The following BRAF variants were observed in gnomAD, a reference collection of about 807,000 sequenced individuals.
The protein encoded by BRAF is serine/threonine-protein kinase B-raf.
Under a neutral mutation model 104.6 loss-of-function variants are expected in BRAF, and 16 were observed. The ratio of observed to expected loss-of-function variants is 0.15; its 90% CI spans 0.10 to 0.23. The LOEUF is 0.23. Ranked by LOEUF, BRAF falls within the 10% of genes least tolerant of loss-of-function variation. The pLI is 1.00. For synonymous variants in BRAF, 310 were observed against 341.6 expected (o/e 0.91, Z 1.02); for missense variants, 541 against 937.3 (o/e 0.58, Z 5.52).
At chr7:140,719,221 T>A, downstream of BRAF, 1 of 399,292 alleles carries the variant, frequency 2.5e-6, no homozygotes, top group Non-Finnish European at 3.4e-6. Flanking sequence ...ACATTATGTA[T>A]GAAACAAAAT....
chr7:140,824,102 A>T (rs1259645952), intron 3 of BRAF: 1 of 151,950 alleles, frequency 6.6e-6, no homozygotes, highest in African/African-American at 2.4e-5. Context: ...TTGGCTTTTC[A>T]CTCTGTTGAT....
At chr7:140,878,730 C>T (rs1280225473) in intron 1 of BRAF, among the ~76,000 whole-genome samples, 2 of 152,248 alleles carry the variant, frequency 1.3e-5, no homozygotes, top group East Asian at 3.9e-4. Context: ...TTCAAAATAG[C>T]TAGAAGAGAA....
In BRAF at chr7:140,723,875, AGTCT is replaced by A. The variant is rs1795447496; in HGVS notation, c.*2615_*2618del. On this transcript the variant is annotated 3_prime_UTR_variant, in exon 20 of 20. Transcript: ENST00000644969. ...TCCTCGTTTTTTTAGGAGCTCAGTAAGTCTAACTGTTGTCTAAGCATCAAAAAAT... is the reference window on the plus strand; with the variant it reads ...TCCTCGTTTTTTTAGGAGCTCAGTAAAACTGTTGTCTAAGCATCAAAAAAT... 9.6e-7 allele frequency: 1 copy of A among 1,046,860 alleles called. No homozygotes were observed. Among genetic ancestry groups the A allele is most frequent in the Non-Finnish European group, 1.2e-6 (1 of 867,786 alleles). The allele number at this position is 1,046,860 out of a possible 1,614,324, so 64.8% of individuals were successfully genotyped here.
chr7:140,898,387 AAAG>A (rs750628012), intron 1 of BRAF, among the ~76,000 whole-genome samples: 6 of 152,204 alleles, frequency 3.9e-5, no homozygotes, highest in East Asian at 1.9e-4. Flanking sequence ...TATGATGGAT[AAAG>A]AAGACTATCC....
chr7:140,718,410 C>T (rs551807128), downstream of BRAF, among the ~76,000 whole-genome samples: 1 of 152,348 alleles, frequency 6.6e-6, no homozygotes, highest in South Asian at 2.1e-4. Flanking sequence ...GCCACCACAG[C>T]CGGATAATTT....
chr7:140,888,411 A>T (rs1489446242), intron 1 of BRAF, among the ~76,000 whole-genome samples: 1 of 129,592 alleles, frequency 7.7e-6, no homozygotes, highest in Non-Finnish European at 1.5e-5. Flanking sequence ...AAGTGACTTA[A>T]AATTAATTCC....
At chr7:140,751,126 C>G (rs1382957109) in intron 16 of BRAF, among the ~76,000 whole-genome samples, 4 of 152,078 alleles carry the variant, frequency 2.6e-5, no homozygotes, top group African/African-American at 9.7e-5. Context: ...CGTCTTAAAA[C>G]TCAGCATGAA....
chr7:140,774,458 T>G (rs183304849), intron 14 of BRAF, among the ~76,000 whole-genome samples: 1 of 152,350 alleles, frequency 6.6e-6, no homozygotes, highest in Admixed American at 6.5e-5. Flanking sequence ...TGTTACTTCT[T>G]GTCTTAATCC....
chr7:140,766,446 AAAAAC>A (rs1799331300), intron 14 of BRAF, among the ~76,000 whole-genome samples: 1 of 152,224 alleles, frequency 6.6e-6, no homozygotes, highest in Admixed American at 6.5e-5. Flanking sequence ...TAATAATAAA[AAAAAC>A]AAAACAACAA....
chr7:140,913,187 T>C (rs890643604), intron 1 of BRAF, among the ~76,000 whole-genome samples: 1 of 152,258 alleles, frequency 6.6e-6, no homozygotes, highest in African/African-American at 2.4e-5. Flanking sequence ...ACAGCACTTA[T>C]TACCTTTGAA....
At chr7:140,913,257 C>T (rs1042701315) in intron 1 of BRAF, among the ~76,000 whole-genome samples, 4 of 151,938 alleles carry the variant, frequency 2.6e-5, no homozygotes, top group African/African-American at 9.7e-5. Context: ...CCCCAATACA[C>T]ACACACCCCT....
chr7:140,765,988 GAC>G (rs1176678059), intron 14 of BRAF, among the ~76,000 whole-genome samples: 1 of 148,294 alleles, frequency 6.7e-6, no homozygotes, highest in Admixed American at 6.6e-5. Context: ...CTGCTATAAA[GAC>G]ACATGCACAC....
chr7:140,826,976 C>T (rs1806123337), intron 3 of BRAF, among the ~76,000 whole-genome samples: 1 of 152,134 alleles, frequency 6.6e-6, no homozygotes, highest in South Asian at 2.1e-4. Context: ...TTTTTATTGT[C>T]CAAGACATTA....
At chr7:140,759,480 G>C (rs569809356) in intron 14 of BRAF, among the ~76,000 whole-genome samples, 1 of 152,280 alleles carries the variant, frequency 6.6e-6, no homozygotes, top group East Asian at 1.9e-4. Context: ...TCTGCCTCCC[G>C]GGTTCAAGTG....
At chr7:140,758,573 G>A (rs1275147780) in intron 14 of BRAF, among the ~76,000 whole-genome samples, 1 of 151,980 alleles carries the variant, frequency 6.6e-6, no homozygotes, top group African/African-American at 2.4e-5. Flanking sequence ...ACCCAACTCA[G>A]CATCTTGTGT....
chr7:140,911,791 A>C (rs1172234331), intron 1 of BRAF, among the ~76,000 whole-genome samples: 2 of 152,258 alleles, frequency 1.3e-5, no homozygotes, highest in East Asian at 1.9e-4. Flanking sequence ...AGACCACTCC[A>C]AATTTAGCCT....
chr7:140,896,119 T>G (rs948103127), intron 1 of BRAF, among the ~76,000 whole-genome samples: 2 of 152,174 alleles, frequency 1.3e-5, no homozygotes, highest in African/African-American at 4.8e-5. Flanking sequence ...CACTGTGGTT[T>G]TGATTTGCAT....
At chr7:140,763,383 G>T (rs1798970463) in intron 14 of BRAF, among the ~76,000 whole-genome samples, 1 of 150,628 alleles carries the variant, frequency 6.6e-6, no homozygotes, top group African/African-American at 2.4e-5. Context: ...CTGGGCAGAG[G>T]GGCTCCTCAC....
chr7:140,916,372 T>C (rs1275343518), intron 1 of BRAF, among the ~76,000 whole-genome samples: 1 of 152,214 alleles, frequency 6.6e-6, no homozygotes, highest in African/African-American at 2.4e-5. Flanking sequence ...CATAATGATT[T>C]AATGATGCCC....
Sources: gnomAD v4.1 joint callset for allele counts (sites outside exome capture counted in the v4.1 genomes callset) on GRCh38, gnomAD v4.1.1 for gene constraint, MANE v1.5 for transcripts, NCBI Gene and HGNC (gene_info 2026-07-23, HGNC 2026-07-21) for gene names.